The following NHS variants were observed in gnomAD, a reference collection of about 807,000 sequenced individuals.
NHS encodes NHS actin remodeling regulator.
NHS carries 5 observed loss-of-function variants against 72.5 expected under a neutral mutation model. That is an observed-to-expected ratio of 0.07 (90% CI 0.04 to 0.14). The LOEUF (loss-of-function observed/expected upper bound fraction) is 0.14. Ranked by LOEUF, NHS falls within the 10% of genes least tolerant of loss-of-function variation. NHS has a pLI of 1.00. For synonymous variants in NHS, 464 were observed against 547.7 expected (o/e 0.85, Z 2.13); for missense variants, 1,072 against 1,355.7 (o/e 0.79, Z 3.29).
At chrX:17,497,953 A>G (rs1357138634) in intron 1 of NHS, among the ~76,000 whole-genome samples, 1 of 111,913 alleles carries the variant, frequency 8.9e-6, no homozygotes, top group African/African-American at 3.2e-5. Context: ...AGGGCAGTGG[A>G]TCTCAATCTT....
At chrX:17,393,661 C>A (rs1164265393) in intron 1 of NHS, among the ~76,000 whole-genome samples, 1 of 111,836 alleles carries the variant, frequency 8.9e-6, no homozygotes, top group Non-Finnish European at 1.9e-5. Context: ...TTGGATTAGC[C>A]TTAGAGTTAT....
chrX:17,468,557 C>T (rs774292250), intron 1 of NHS, among the ~76,000 whole-genome samples: 4 of 109,553 alleles, frequency 3.7e-5, no homozygotes, highest in Non-Finnish European at 7.6e-5. Context: ...TATTTATTTA[C>T]TTACTTACTT....
intron 1 of NHS, among the ~76,000 whole-genome samples, chrX:17,600,779 A>G (rs965020871): frequency 1.4e-4 from 15 of 110,261 alleles, no homozygotes; most frequent in Admixed American, 1.2e-3. Flanking sequence ...GCAGGGAAAA[A>G]ACACAGAAAG....
intron 1 of NHS, among the ~76,000 whole-genome samples, chrX:17,604,410 A>G (rs2065668763): frequency 8.9e-6 from 1 of 112,590 alleles, no homozygotes; most frequent in Non-Finnish European, 1.9e-5. Flanking sequence ...AGGGTTTTCT[A>G]AACTCATTGG....
At chrX:17,532,997 T>C (rs772363968) in intron 1 of NHS, among the ~76,000 whole-genome samples, 5 of 112,086 alleles carry the variant, frequency 4.5e-5, no homozygotes, top group Non-Finnish European at 9.4e-5. Flanking sequence ...GAATCTATTG[T>C]TATGATGAGT....
At chrX:17,479,514 A>C (rs997081220) in intron 1 of NHS, among the ~76,000 whole-genome samples, 2 of 112,099 alleles carry the variant, frequency 1.8e-5, no homozygotes, top group African/African-American at 6.5e-5. Flanking sequence ...ATTTACCAAC[A>C]GTGTAAAAGC....
chrX:17,576,007 G>T (rs1221774498), intron 1 of NHS, among the ~76,000 whole-genome samples: 1 of 112,056 alleles, frequency 8.9e-6, no homozygotes, highest in African/African-American at 3.2e-5. Flanking sequence ...AGAAAAGATA[G>T]TGTCTGTTGC....
chrX:17,391,355 CTG>C lies in NHS; in HGVS notation c.565+15036_565+15037del, dbSNP rs2064444647. ...CAAATTCTTACCTCAGTTTGCATATCTGTGAAATGGAGATACTATTGGTACTC... is the reference window on the plus strand; with the variant it reads ...CAAATTCTTACCTCAGTTTGCATATCTGAAATGGAGATACTATTGGTACTC... On this transcript the variant is annotated intron_variant, in intron 1 of 8. Coordinates refer to ENST00000676302, the MANE Select transcript of NHS (RefSeq NM_001291867.2). Among the ~76,000 whole-genome samples, 3 of 111,841 alleles carry C rather than the reference CTG, an allele frequency of 2.7e-5. No individual in the cohort carries two copies. The South Asian group carries it at 1.1e-3, about 42-fold the overall frequency.
intron 1 of NHS, among the ~76,000 whole-genome samples, chrX:17,570,314 T>C (rs1463945508): frequency 4.4e-5 from 5 of 112,374 alleles, no homozygotes; most frequent in African/African-American, 1.3e-4. Context: ...ATGAAATGTT[T>C]TTCCATTGTT....
chrX:17,735,141 CTATTT>C lies in NHS; in HGVS notation c.*2681_*2685del, dbSNP rs1352004221. 3 of 112,444 alleles carry C rather than the reference CTATTT, an allele frequency of 2.7e-5. No individual in the cohort carries two copies. Among genetic ancestry groups the C allele is most frequent in the African/African-American group, 9.7e-5 (3 of 30,831 alleles). The allele number at this position is 112,444 out of a possible 1,213,427, so 9.3% of individuals were successfully genotyped here. A position where few individuals can be genotyped will look rare whatever the true frequency, so the allele number is the denominator to read the frequency against. Reference sequence around the variant, plus strand: ...TCTAAAAATCTATAGCAGAGTTTCTCTATTTTATATTTCATAGATTTAAAAAACCC... The same window carrying C: ...TCTAAAAATCTATAGCAGAGTTTCTCTATATTTCATAGATTTAAAAAACCC... On this transcript the variant is annotated 3_prime_UTR_variant, in exon 9 of 9. Coordinates refer to ENST00000676302, the MANE Select transcript of NHS (RefSeq NM_001291867.2).
chrX:17,669,759 C>A (rs776879607), intron 1 of NHS, among the ~76,000 whole-genome samples: 3 of 111,601 alleles, frequency 2.7e-5, no homozygotes, highest in South Asian at 3.8e-4. Flanking sequence ...GGAGTCCTCA[C>A]TAAAAATGGA....
intron 3 of NHS, among the ~76,000 whole-genome samples, chrX:17,694,455 CCTTT>C (rs1040491278): frequency 1.9e-4 from 21 of 112,100 alleles, no homozygotes; most frequent in African/African-American, 6.8e-4. Flanking sequence ...AGACAACTCT[CCTTT>C]CATGTTTGAG....
At chrX:17,643,239 G>A (rs1367333902) in intron 1 of NHS, among the ~76,000 whole-genome samples, 1 of 111,874 alleles carries the variant, frequency 8.9e-6, no homozygotes, top group African/African-American at 3.2e-5. Flanking sequence ...TTTAGACTCA[G>A]TTCTCTCTGG....
intron 1 of NHS, among the ~76,000 whole-genome samples, chrX:17,644,746 A>G (rs2065898017): frequency 1.8e-5 from 2 of 111,277 alleles, no homozygotes; most frequent in African/African-American, 6.5e-5. Context: ...TTATAAAATT[A>G]GCACTATTAT....
At chrX:17,410,210 G>T (rs1304539450) in intron 1 of NHS, among the ~76,000 whole-genome samples, 11 of 111,038 alleles carry the variant, frequency 9.9e-5, no homozygotes, top group African/African-American at 3.6e-4. Context: ...AAATGGCTGT[G>T]TCTGAGGGTG....
intron 1 of NHS, among the ~76,000 whole-genome samples, chrX:17,450,374 G>A (rs1601712231): frequency 8.9e-6 from 1 of 111,954 alleles, no homozygotes; most frequent in Non-Finnish European, 1.9e-5. Flanking sequence ...TGTGCCTGAT[G>A]TCACTCTAAG....
chrX:17,612,651 A>T (rs1165332915), intron 1 of NHS, among the ~76,000 whole-genome samples: 2 of 111,928 alleles, frequency 1.8e-5, no homozygotes, highest in East Asian at 5.6e-4. Flanking sequence ...ATAGATCCAC[A>T]CTACTTTTGC....
chrX:17,448,684 G>A (rs759369212), intron 1 of NHS, among the ~76,000 whole-genome samples: 1 of 111,831 alleles, frequency 8.9e-6, no homozygotes, highest in Admixed American at 9.5e-5. Flanking sequence ...TTGATCTCTT[G>A]CCTCTGGTTT....
intron 4 of NHS, among the ~76,000 whole-genome samples, chrX:17,720,959 G>C (rs962115039): frequency 1.8e-5 from 2 of 112,203 alleles, no homozygotes; most frequent in Admixed American, 1.9e-4. Flanking sequence ...TGGCTTCTCA[G>C]ATTAGGTTGG....
Sources: gnomAD v4.1 joint callset for allele counts (sites outside exome capture counted in the v4.1 genomes callset) on GRCh38, gnomAD v4.1.1 for gene constraint, MANE v1.5 for transcripts, NCBI Gene and HGNC (gene_info 2026-07-23, HGNC 2026-07-21) for gene names.